TANGO2: variants seen among roughly 807,000 people sequenced by gnomAD.
TANGO2 encodes the protein transport and Golgi organization protein 2 homolog.
Under a neutral mutation model 39.1 loss-of-function variants are expected in TANGO2, and 26 were observed. The ratio of observed to expected loss-of-function variants is 0.67; its 90% CI spans 0.49 to 0.92. The LOEUF is 0.92. Ranked by LOEUF, TANGO2 falls within the 40% of genes least tolerant of loss-of-function variation. The pLI, the probability that TANGO2 is intolerant of heterozygous loss-of-function variation, is 0.00. For synonymous variants in TANGO2, 131 were observed against 144.5 expected, an observed-to-expected ratio of 0.91 and a Z score of 0.67; for missense variants, 326 against 360.1, an observed-to-expected ratio of 0.91 and a Z score of 0.77.
At chr22:20,036,677 C>T in intron 1 of TANGO2, 83 bp from the exon 2 acceptor site, 1 of 1,190,872 alleles carries the variant, frequency 8.4e-7, no homozygotes, top group South Asian at 1.3e-5. Flanking sequence ...AGGTGGTTCT[C>T]TCTGTTCTGG....
chr22:20,021,639 GC>G (rs2039699154), intron 1 of TANGO2, among the ~76,000 whole-genome samples: 1 of 152,244 alleles, frequency 6.6e-6, no homozygotes, highest in African/African-American at 2.4e-5. Context: ...TCATCCCTGC[GC>G]CTGGATGCGG....
In TANGO2 at chr22:20,039,647, A is replaced by G. The variant is rs575217182; in HGVS notation, c.56+2793A>G. ...CCATCTTAAAAAAAAGAAAAAACGA[A>G]AAAAAACCTGCCTGTTTACAGCCCC... On this transcript the variant is annotated intron_variant, in intron 2 of 8. Coordinates refer to ENST00000327374, the MANE Select transcript of TANGO2 (RefSeq NM_152906.7). 9.9e-5 allele frequency among the ~76,000 whole-genome samples: 15 copies of G among 151,838 alleles called. No homozygotes were observed. The East Asian group carries it at 2.5e-3, about 26-fold the overall frequency.
Position 20,062,244 on chromosome 22 carries a change from G to T in TANGO2, c.605+561G>T, listed in dbSNP as rs1033682649. Among the ~76,000 whole-genome samples, 3 of 152,168 alleles carry T rather than the reference G, an allele frequency of 2.0e-5. No homozygotes were observed. The East Asian group carries it at 5.8e-4, about 29-fold the overall frequency. On this transcript the variant is annotated intron_variant, in intron 7 of 8. Coordinates refer to ENST00000327374, the MANE Select transcript of TANGO2 (RefSeq NM_152906.7). ...GGCCCCTCAGGGGCCAGGCACTGGG[G>T]TCTTCGTTGCCCCAGCCGGGGGTCC...
rs542759692 is a variant in TANGO2 at position 20,066,809 on chromosome 22, C to T, written c.*2147C>T. Among the ~76,000 whole-genome samples, 1 of 152,078 alleles carries T rather than the reference C, an allele frequency of 6.6e-6. No individual in the cohort carries two copies. The highest frequency in any genetic ancestry group is 1.5e-5 in the Non-Finnish European group (1 of 68,012). On this transcript the variant is annotated 3_prime_UTR_variant, in exon 9 of 9. Coordinates refer to ENST00000327374, the MANE Select transcript of TANGO2 (RefSeq NM_152906.7). The stretch of plus-strand genomic sequence containing the variant: ...GATGGTGCCCTGCCCTCATGAAGAG[C>T]CCCCCGGATGTTCACCTCTGCCCAG...
chr22:20,064,979 C>T lies in TANGO2; in HGVS notation c.*317C>T. 3.2e-6 allele frequency: 1 copy of T among 314,706 alleles called. No individual in the cohort carries two copies. The highest frequency in any genetic ancestry group is 6.3e-5 in the East Asian group (1 of 15,850). 19.5% of individuals were successfully genotyped at this position (314,706 alleles called of 1,614,324 possible). On this transcript the variant is annotated 3_prime_UTR_variant, in exon 9 of 9. Transcript: ENST00000327374. The stretch of plus-strand genomic sequence containing the variant: ...CACTCACATGGCACACACATACACT[C>T]CTGCGTGTGCACAAGCACACACATG...
At chr22:20,058,641 C>CAA (rs695705) in intron 6 of TANGO2, among the ~76,000 whole-genome samples, 15,649 of 106,300 alleles carry the variant, frequency 0.15, 1,144 homozygotes, top group Middle Eastern at 0.23. Flanking sequence ...GATTGCATCT[C>CAA]AAAAAAAAAA....
chr22:20,021,917 A>G (rs1295546848), intron 1 of TANGO2, among the ~76,000 whole-genome samples: 1 of 152,204 alleles, frequency 6.6e-6, no homozygotes, highest in Non-Finnish European at 1.5e-5. Context: ...GCCCTTGGAC[A>G]AGTCCCTGGG....
At chr22:20,024,781 C>T (rs1165524510) in intron 1 of TANGO2, among the ~76,000 whole-genome samples, 1 of 152,216 alleles carries the variant, frequency 6.6e-6, no homozygotes, top group Non-Finnish European at 1.5e-5. Flanking sequence ...TGCCCATGTG[C>T]TATGCTTGCC....
intron 4 of TANGO2, 129 bp downstream of exon 4, chr22:20,052,713 G>C: frequency 8.3e-7 from 1 of 1,203,926 alleles, no homozygotes; most frequent in Non-Finnish European, 1.2e-6. Context: ...AAGGTAGGAA[G>C]TGCCAAGGTG....
At chr22:20,035,069 C>T (rs1388587665) in intron 1 of TANGO2, among the ~76,000 whole-genome samples, 1 of 152,248 alleles carries the variant, frequency 6.6e-6, no homozygotes, top group African/African-American at 2.4e-5. Context: ...GCCCCACAGT[C>T]TGCTTCCCAC....
At chr22:20,027,579 C>A (rs1044358138) in intron 1 of TANGO2, among the ~76,000 whole-genome samples, 27 of 151,952 alleles carry the variant, frequency 1.8e-4, no homozygotes, top group Non-Finnish European at 2.5e-4. Flanking sequence ...AACACTCTGG[C>A]GCCACAGGCA....
At chr22:20,033,303 G>A in intron 1 of TANGO2, 1 of 480,498 alleles carries the variant, frequency 2.1e-6, no homozygotes, top group Non-Finnish European at 4.2e-6. Flanking sequence ...TCTGTTTATG[G>A]CCTTCCCTTG....
chr22:20,050,838 T>G lies in TANGO2; in HGVS notation c.146-1627T>G, dbSNP rs548857488. Among the ~76,000 whole-genome samples the G allele has an allele frequency of 4.2e-5, 6 of 144,422 alleles. No individual in the cohort carries two copies. In the East Asian group the frequency reaches 1.4e-3, roughly 34 times the overall value. 94.7% of individuals were successfully genotyped at this position (144,422 alleles called of 152,430 possible). On this transcript the variant is annotated intron_variant, in intron 3 of 8. Coordinates refer to ENST00000327374, the MANE Select transcript of TANGO2 (RefSeq NM_152906.7). ...CCTGCTGGTTGCAAATACAGTTTTG[T>G]TGGGTTTTTTTTTTTTTTTTGAGAC...
intron 3 of TANGO2, 52 bp downstream of exon 3, chr22:20,043,495 C>T (rs778223297): frequency 4.0e-5 from 52 of 1,298,838 alleles, no homozygotes; most frequent in Non-Finnish European, 5.3e-5. Flanking sequence ...CTTCCCTAGC[C>T]CCTGCGTGGC....
At chr22:20,051,082 A>C (rs1370801847) in intron 3 of TANGO2, among the ~76,000 whole-genome samples, 4 of 149,694 alleles carry the variant, frequency 2.7e-5, no homozygotes, top group Non-Finnish European at 4.5e-5. Flanking sequence ...GCTGGTCTTG[A>C]ACTCCCAACC....
At chr22:20,055,285 A>T (rs549058992) in intron 5 of TANGO2, 3 of 152,724 alleles carry the variant, frequency 2.0e-5, no homozygotes, top group African/African-American at 4.8e-5. Context: ...TTTTCTTTTT[A>T]AAAAATGATT....
In TANGO2 at chr22:20,049,718, G is replaced by A. The variant is rs5993902; in HGVS notation, c.146-2747G>A. On this transcript the variant is annotated intron_variant, in intron 3 of 8. Transcript: ENST00000327374. Reference sequence around the variant, plus strand: ...GCAATGTGGGTCTGCCTTCTTTTTCGGGACTATTTTGGCCATCCCAGTTCC... The same window carrying A: ...GCAATGTGGGTCTGCCTTCTTTTTCAGGACTATTTTGGCCATCCCAGTTCC... Among the ~76,000 whole-genome samples, 650 of 150,986 alleles carry A rather than the reference G, an allele frequency of 4.3e-3. 12 individuals are homozygous for A. Among genetic ancestry groups the A allele is most frequent in the African/African-American group, 0.015 (612 of 41,202 alleles).
chr22:20,043,518 A>C (rs2044406781), intron 3 of TANGO2, 75 bp downstream of exon 3: 1 of 1,027,710 alleles, frequency 9.7e-7, no homozygotes, highest in African/African-American at 1.6e-5. Context: ...GAGTGACCCT[A>C]ACTGAGTGGT....
rs409519 is a variant in TANGO2 at position 20,043,226 on chromosome 22, C to A, written c.57-129C>A. On this transcript the variant is annotated intron_variant, in intron 2 of 8. Coordinates refer to ENST00000327374, the MANE Select transcript of TANGO2 (RefSeq NM_152906.7). ...TTCCTCCAGTGTGGGTGCAGCAGGA[C>A]TGCCGGCTTCCTGCCCTCTCTGAGA... The A allele has an allele frequency of 0.064, 43,510 of 676,492 alleles. 1,551 individuals carry two copies. Among genetic ancestry groups the A allele is most frequent in the South Asian group, 0.1 (5,793 of 58,138 alleles). 41.9% of individuals were successfully genotyped at this position (676,492 alleles called of 1,614,324 possible).
Sources: gnomAD v4.1 joint callset for allele counts (sites outside exome capture counted in the v4.1 genomes callset) on GRCh38, gnomAD v4.1.1 for gene constraint, MANE v1.5 for transcripts, NCBI Gene and HGNC (gene_info 2026-07-23, HGNC 2026-07-21) for gene names.